Variants in CORO2A observed in about 807,000 individuals in gnomAD.
The protein encoded by CORO2A is coronin-2A.
CORO2A carries 47 observed loss-of-function variants against 62.4 expected under a neutral mutation model. The observed-to-expected ratio is 0.75, with a 90% CI of 0.60 to 0.96. The LOEUF (loss-of-function observed/expected upper bound fraction) is 0.96, where lower values mean the gene tolerates loss of function less well. Among genes scored for constraint, CORO2A ranks in the 40% least tolerant of loss-of-function variants. The pLI, the probability that CORO2A is intolerant of heterozygous loss-of-function variation, is 0.00. For missense variants in CORO2A, 610 were observed against 684.1 expected (o/e 0.89, Z 1.21); for synonymous variants, 273 against 268.9 (o/e 1.02, Z -0.15).
chr9:98,190,054 T>C (rs943079499), intron 1 of CORO2A, among the ~76,000 whole-genome samples: 18 of 152,244 alleles, frequency 1.2e-4, no homozygotes, highest in Admixed American at 1.0e-3. Context: ...CCAGCTAATT[T>C]TTATATTTTT....
intron 1 of CORO2A, among the ~76,000 whole-genome samples, chr9:98,170,513 C>T (rs1828019747): frequency 6.6e-6 from 1 of 152,200 alleles, no homozygotes; most frequent in Non-Finnish European, 1.5e-5. Context: ...GTGATCTTGG[C>T]TCACTGCAAC....
At chr9:98,128,144 C>T in intron 10 of CORO2A, 26 bp downstream of exon 10, 1 of 1,590,140 alleles carries the variant, frequency 6.3e-7, no homozygotes, top group Non-Finnish European at 8.6e-7. Context: ...TCACATTTGC[C>T]TGGGCCTCTT....
chr9:98,141,533 T>C (rs1442439761), intron 2 of CORO2A, among the ~76,000 whole-genome samples: 1 of 152,072 alleles, frequency 6.6e-6, no homozygotes, highest in Non-Finnish European at 1.5e-5. Flanking sequence ...TTGTATTTTT[T>C]AGTAGGGACG....
intron 1 of CORO2A, among the ~76,000 whole-genome samples, chr9:98,183,975 A>G (rs575916163): frequency 5.9e-5 from 9 of 152,368 alleles, no homozygotes; most frequent in African/African-American, 2.2e-4. Context: ...ATATGTATAT[A>G]CAGTATAATA....
intron 2 of CORO2A, among the ~76,000 whole-genome samples, chr9:98,146,192 C>T (rs1273594113): frequency 6.6e-6 from 1 of 152,192 alleles, no homozygotes; most frequent in Non-Finnish European, 1.5e-5. Flanking sequence ...CCCCACCCTC[C>T]ACACCTCACA....
At position 98,131,032 on chromosome 9, in the gene CORO2A, C is replaced by T. The variant is rs760222664; in HGVS notation, c.793G>A (p.Glu265Lys). The change falls in exon 7 of 12, where the codon GAG becomes AAG. Residue 265 changes from glutamate to lysine, a missense_variant. Physicochemically the swap from Glu to Lys is moderately conservative, Grantham distance 56. Coordinates refer to ENST00000375077, the MANE Select transcript of CORO2A (RefSeq NM_052820.4). ...ACGCCCGAGGAGCCGTCCAGGTCCTCCTCCATCAGAGGCACAGAGAGGTTA... is the reference window on the plus strand; with the variant it reads ...ACGCCCGAGGAGCCGTCCAGGTCCTTCTCCATCAGAGGCACAGAGAGGTTA... ...QDNLSVPLME[E>K]DLDGSSGVLF... The T allele has an allele frequency of 2.5e-6, 4 of 1,613,590 alleles. No individual in the cohort carries two copies. In the South Asian group the frequency reaches 4.4e-5, roughly 18 times the overall value.
At chr9:98,158,681 A>G (rs1588005178) in intron 1 of CORO2A, among the ~76,000 whole-genome samples, 1 of 152,286 alleles carries the variant, frequency 6.6e-6, no homozygotes, top group East Asian at 1.9e-4. Flanking sequence ...TCTCAAAGGA[A>G]GTGACAACTA....
intron 4 of CORO2A, among the ~76,000 whole-genome samples, chr9:98,134,515 GAT>G (rs1827456742): frequency 6.6e-6 from 1 of 152,148 alleles, no homozygotes; most frequent in Non-Finnish European, 1.5e-5. Flanking sequence ...TAAATCCAAT[GAT>G]AGTTGCTCTC....
At chr9:98,164,238 C>T (rs73498751) in intron 1 of CORO2A, among the ~76,000 whole-genome samples, 1,955 of 152,316 alleles carry the variant, frequency 0.013, 38 homozygotes, top group African/African-American at 0.045. Flanking sequence ...ATAAAGAACG[C>T]TCTATGTGAA....
chr9:98,131,008 C>T lies in CORO2A; in HGVS notation c.817G>A (p.Val273Met), dbSNP rs749659304. ...TCCGCGTCATAGAAGGGAAACAGCA[C>T]GCCCGAGGAGCCGTCCAGGTCCTCC... ...MEEDLDGSSGVLFPFYDADTS... is the reference protein window; with the variant it reads ...MEEDLDGSSGMLFPFYDADTS... Residue 273 changes from valine (V) to methionine (M), a missense_variant, in exon 7 of 12, where the codon GTG becomes ATG. Coordinates refer to ENST00000375077, the MANE Select transcript of CORO2A (RefSeq NM_052820.4). 39 of 1,613,866 alleles carry T rather than the reference C, an allele frequency of 2.4e-5. No homozygotes were observed. In the East Asian group the frequency reaches 4.9e-4, roughly 20 times the overall value.
chr9:98,141,259 C>T (rs1827562053), intron 2 of CORO2A, among the ~76,000 whole-genome samples: 1 of 151,832 alleles, frequency 6.6e-6, no homozygotes, highest in Non-Finnish European at 1.5e-5. Context: ...GCTTCCTGCC[C>T]TGTCCTGGCA....
Position 98,124,531 on chromosome 9 carries a change from T to TAACAGAATTC in CORO2A, c.*233_*242dup, listed in dbSNP as rs1042446281. ...GTTACAGCTCATCATGGGCCCTTAA[T>TAACAGAATTC]AACAGAATTCAACAGAAGGCATCAT... is the stretch of plus-strand genomic sequence containing the variant. On this transcript the variant is annotated 3_prime_UTR_variant, in exon 12 of 12. Transcript: ENST00000375077. The TAACAGAATTC allele has an allele frequency of 8.2e-6, 3 of 365,734 alleles. No individual in the cohort carries two copies. The highest frequency in any genetic ancestry group is 1.5e-5 in the Non-Finnish European group (3 of 202,436). The allele number at this position is 365,734 out of a possible 1,614,324, so 22.7% of individuals were successfully genotyped here.
chr9:98,135,106 G>A (rs975802441), intron 3 of CORO2A, 151 bp from the exon 4 acceptor site: 3 of 1,020,754 alleles, frequency 2.9e-6, no homozygotes, highest in East Asian at 2.6e-5. Flanking sequence ...GGCATTGAGG[G>A]GCAGTGGAGG....
intron 3 of CORO2A, among the ~76,000 whole-genome samples, chr9:98,135,339 G>A (rs1170982387): frequency 6.6e-6 from 1 of 152,164 alleles, no homozygotes; most frequent in African/African-American, 2.4e-5. Context: ...AAAGACCCAG[G>A]GTAGAGCCTC....
rs1181039008 is a variant in CORO2A, at chr9:98,132,949, A to G, written c.648+89T>C. The G allele has an allele frequency of 4.5e-5, 65 of 1,443,700 alleles. No homozygotes were observed. The East Asian group carries it at 1.3e-3, about 28-fold the overall frequency. The allele number at this position is 1,443,700 out of a possible 1,614,324, so 89.4% of individuals were successfully genotyped here. ...AAGGCGCAGCCCAGACGCTGACAGC[A>G]TCACTGTCCTGTTCTCTGAAGCCTC... On this transcript the variant is annotated intron_variant, in intron 5 of 11. Transcript: ENST00000375077.
At chr9:98,135,264 T>C (rs1009433276) in intron 3 of CORO2A, among the ~76,000 whole-genome samples, 2 of 152,214 alleles carry the variant, frequency 1.3e-5, no homozygotes, top group African/African-American at 4.8e-5. Context: ...GGTGGGCAGG[T>C]GGCTGGGTTT....
chr9:98,154,962 T>C (rs7869422), intron 2 of CORO2A, among the ~76,000 whole-genome samples: 1 of 152,122 alleles, frequency 6.6e-6, no homozygotes, highest in Admixed American at 6.5e-5. Flanking sequence ...AAACCTATGG[T>C]TGGTATTTCT....
At chr9:98,191,119 C>A (rs1204346787) in intron 1 of CORO2A, among the ~76,000 whole-genome samples, 3 of 152,198 alleles carry the variant, frequency 2.0e-5, no homozygotes, top group Non-Finnish European at 4.4e-5. Context: ...CAAGAAAGAC[C>A]AGGAGGCTGA....
chr9:98,170,074 T>C (rs1828012769), intron 1 of CORO2A, among the ~76,000 whole-genome samples: 1 of 152,216 alleles, frequency 6.6e-6, no homozygotes, highest in Admixed American at 6.5e-5. Context: ...ATTTTTCTCA[T>C]AGAATCTAGA....
Sources: gnomAD v4.1 joint callset for allele counts (sites outside exome capture counted in the v4.1 genomes callset) on GRCh38, gnomAD v4.1.1 for gene constraint, MANE v1.5 for transcripts, NCBI Gene and HGNC (gene_info 2026-07-23, HGNC 2026-07-21) for gene names.